DUOX2: variants seen among roughly 807,000 people sequenced by gnomAD.
The protein encoded by DUOX2 is NADH/NADPH thyroid oxidase p138-tox.
A neutral mutation model predicts 183.3 loss-of-function variants in DUOX2; 185 were observed. The ratio of observed to expected loss-of-function variants is 1.01; its 90% CI spans 0.90 to 1.14. The LOEUF (loss-of-function observed/expected upper bound fraction) is 1.14. Ranked by LOEUF, DUOX2 falls within the 50% of genes most tolerant of loss-of-function variation. The pLI is 0.00. For synonymous variants in DUOX2, 788 were observed against 812.4 expected, an observed-to-expected ratio of 0.97 and a Z score of 0.51; for missense variants, 1,999 against 2,022.9, an observed-to-expected ratio of 0.99 and a Z score of 0.23.
intron 22 of DUOX2, 149 bp from the exon 23 acceptor site, chr15:45,100,987 G>A (rs1814953526): frequency 2.9e-6 from 2 of 693,000 alleles, no homozygotes; most frequent in Non-Finnish European, 5.1e-6. Context: ...CTCATGATTT[G>A]TTTTGTAGAA....
In DUOX2 at chr15:45,104,120, G is replaced by T; in HGVS notation, c.2560+20C>A. The T allele has an allele frequency of 1.9e-6, 3 of 1,614,130 alleles. No homozygotes were observed. The Middle Eastern group carries it at 4.9e-4, about 266-fold the overall frequency. ...AGACCCCTGGATTCTTGGATAGCCT[G>T]CCACCTCCCAGCCCCCTACCTTTCA... is the stretch of plus-strand genomic sequence containing the variant. On this transcript the variant is annotated intron_variant, in intron 19 of 33. Transcript: ENST00000389039.
At chr15:45,097,156 C>T in intron 29 of DUOX2, 82 bp downstream of exon 29, 1 of 1,596,152 alleles carries the variant, frequency 6.3e-7, no homozygotes, top group South Asian at 1.1e-5. Flanking sequence ...GTGATGGGGT[C>T]AGGAGACCTG....
intron 21 of DUOX2, 34 bp downstream of exon 21, chr15:45,101,759 C>T (rs759244110): frequency 2.1e-5 from 34 of 1,613,978 alleles, no homozygotes; most frequent in Admixed American, 1.0e-4. Flanking sequence ...ACACGCCCCC[C>T]CTCCCTGACG....
In DUOX2 at chr15:45,109,663, C is replaced by G. The variant is rs755970353; in HGVS notation, c.1132-37G>C. 5.0e-6 allele frequency: 8 copies of G among 1,605,090 alleles called. No individual in the cohort carries two copies. The African/African-American group carries it at 8.0e-5, about 16-fold the overall frequency. On this transcript the variant is annotated intron_variant, in intron 10 of 33. Transcript: ENST00000389039. Reference sequence around the variant, plus strand: ...CAATGCACTCAAGATAGGCCTCTACCCAAAACTCGGTCTCTCTCAGCCTGG... The same window carrying G: ...CAATGCACTCAAGATAGGCCTCTACGCAAAACTCGGTCTCTCTCAGCCTGG...
chr15:45,095,032 G>C lies in DUOX2; in HGVS notation c.4299C>G (p.Ile1433Met). 6.2e-7 allele frequency: 1 copy of C among 1,614,160 alleles called. No homozygotes were observed. Among genetic ancestry groups the C allele is most frequent in the Non-Finnish European group, 8.5e-7 (1 of 1,180,012 alleles). Residue 1433 changes from isoleucine to methionine, a missense_variant, in exon 32 of 34, where the codon ATC becomes ATG. Coordinates refer to ENST00000389039, the MANE Select transcript of DUOX2 (RefSeq NM_001363711.2). ...QRQFEWLADIIQEVEENDHQD... is the reference protein window; with the variant it reads ...QRQFEWLADIMQEVEENDHQD... ...GGTGGTCGTTCTCCTCCACCTCTTGGATGATGTCAGCCAGCCACTCAAACT... is the reference window on the plus strand; with the variant it reads ...GGTGGTCGTTCTCCTCCACCTCTTGCATGATGTCAGCCAGCCACTCAAACT...
At position 45,110,506 on chromosome 15, in the gene DUOX2, T is replaced by A. The variant is rs943173721; in HGVS notation, c.962A>T (p.Asp321Val). ...CACAAATTCCGGGGAGATGCTGGGGTCTAGGAAAGGACGGTATCCTGCAGG... is the reference window on the plus strand; with the variant it reads ...CACAAATTCCGGGGAGATGCTGGGGACTAGGAAAGGACGGTATCCTGCAGG... ...PEYTGYRPFLDPSISPEFVVA... is the reference protein window; with the variant it reads ...PEYTGYRPFLVPSISPEFVVA... The change falls in exon 9 of 34, where the codon GAC becomes GTC. Residue 321 changes from aspartate (D) to valine (V), a missense_variant. Transcript: ENST00000389039. 1.9e-6 allele frequency: 3 copies of A among 1,613,758 alleles called. No individual in the cohort carries two copies. The highest frequency in any genetic ancestry group is 2.5e-6 in the Non-Finnish European group (3 of 1,179,946).
At position 45,105,664 on chromosome 15, in the gene DUOX2, G is replaced by C. The variant is rs1306818709; in HGVS notation, c.2313C>G (p.Phe771Leu). 2 of 1,614,228 alleles carry C rather than the reference G, an allele frequency of 1.2e-6. No homozygotes were observed. Among genetic ancestry groups the C allele is most frequent in the South Asian group, 2.2e-5 (2 of 91,084 alleles). The change falls in exon 18 of 34, where the codon TTC (phenylalanine) becomes TTG (leucine). Residue 771 changes from phenylalanine (F) to leucine (L), a missense_variant. This residue lies in a region of DUOX2 where 1,628 missense variants were observed against 1,608.6 expected (regional missense o/e 1.01). Coordinates refer to ENST00000389039, the MANE Select transcript of DUOX2 (RefSeq NM_001363711.2). Reference protein sequence around the residue: ...KQQRERILEIFFRHLFAQVLD... With the variant: ...KQQRERILEILFRHLFAQVLD... ...GCACCTGAGCAAAAAGGTGTCTGAA[G>C]AAGATCTCCAGGATGCGTTCCCGCT...
In DUOX2 at chr15:45,111,757, C is replaced by T; in HGVS notation, c.513+11G>A. 1 of 1,574,020 alleles carries T rather than the reference C, an allele frequency of 6.4e-7. No homozygotes were observed. The highest frequency in any genetic ancestry group is 8.6e-7 in the Non-Finnish European group (1 of 1,160,340). On this transcript the variant is annotated intron_variant, in intron 5 of 33. Transcript: ENST00000389039. ...GGGTGCGGTCCCTTCCCGCCGCCTTCCCCGCCTCACCAGGTCCCGGGGGTT... is the reference window on the plus strand; with the variant it reads ...GGGTGCGGTCCCTTCCCGCCGCCTTTCCCGCCTCACCAGGTCCCGGGGGTT...
At chr15:45,099,574 A>C in intron 25 of DUOX2, 88 bp downstream of exon 25, 1 of 1,577,386 alleles carries the variant, frequency 6.3e-7, no homozygotes, top group South Asian at 1.1e-5. Flanking sequence ...GGAGAGATGG[A>C]GGTATAAGGA....
In DUOX2 at chr15:45,094,261, G is replaced by C. The variant is rs371167766; in HGVS notation, c.4536C>G (p.Ile1512Met). 6.2e-7 allele frequency: 1 copy of C among 1,614,120 alleles called. No individual in the cohort carries two copies. Residue 1512 changes from isoleucine to methionine, a missense_variant, in exon 34 of 34, where the codon ATC becomes ATG. Physicochemically the swap from Ile to Met is conservative, Grantham distance 10 (BLOSUM62 1). Around this residue, in one of 3 missense-constraint regions of DUOX2, gnomAD observed 1,628 missense variants for 1,608.6 expected, o/e 1.01. Transcript: ENST00000389039. The part of the protein sequence containing the change: ...LQEVHPQVRK[I>M]GVFSCGPPGM... ...CTGGAGGGCCGCAGCTGAACACCCC[G>C]ATCTTGCGCACCTGTCAGGAGATTG...
chr15:45,100,996 A>G, intron 22 of DUOX2, 158 bp from the exon 23 acceptor site: 1 of 690,334 alleles, frequency 1.4e-6, no homozygotes, highest in Non-Finnish European at 2.6e-6. Context: ...TGTTTTGTAG[A>G]ATGATTCTGG....
rs771198569 is a variant in DUOX2, at chr15:45,095,505, G to C, written c.4171C>G (p.Pro1391Ala). Residue 1391 changes from proline (P) to alanine (A), a missense_variant, in exon 31 of 34, where the codon CCC becomes GCC. Around this residue, in one of 3 missense-constraint regions of DUOX2, gnomAD observed 1,628 missense variants for 1,608.6 expected, o/e 1.01. Coordinates refer to ENST00000389039, the MANE Select transcript of DUOX2 (RefSeq NM_001363711.2). ...AGGTCTTTGAGGATGGAGGCAAAGG[G>C]GGTGACCCCAATGCCCCCTCCCACC... ...VLVGGGIGVT[P>A]FASILKDLVF... 38 of 1,614,180 alleles carry C rather than the reference G, an allele frequency of 2.4e-5. No individual in the cohort carries two copies. The East Asian group carries it at 8.2e-4, about 35-fold the overall frequency.
rs1489696941 is a variant in DUOX2, at chr15:45,094,557, A to G, written c.4524+6T>C. ...GAGTCCCAGGGTGGGAGGGAGTGGG[A>G]CTGACCTGTGGGTGGACCTCCTGCA... is the stretch of plus-strand genomic sequence containing the variant. On this transcript the variant is annotated splice_donor_region_variant and intron_variant, in intron 33 of 33. Coordinates refer to ENST00000389039, the MANE Select transcript of DUOX2 (RefSeq NM_001363711.2). 6.2e-7 allele frequency: 1 copy of G among 1,612,372 alleles called. No homozygotes were observed. Among genetic ancestry groups the G allele is most frequent in the Non-Finnish European group, 8.5e-7 (1 of 1,179,334 alleles).
intron 12 of DUOX2, 57 bp from the exon 13 acceptor site, chr15:45,108,279 TG>T: frequency 4.4e-6 from 7 of 1,588,818 alleles, no homozygotes; most frequent in Non-Finnish European, 6.0e-6. Context: ...GGGCAGCCAC[TG>T]TTGCCCCATC....
At position 45,099,783 on chromosome 15, in the gene DUOX2, C is replaced by A; in HGVS notation, c.3294G>T (p.Leu1098Phe). 6.2e-6 allele frequency: 10 copies of A among 1,614,172 alleles called. No homozygotes were observed. The highest frequency in any genetic ancestry group is 1.3e-5 in the African/African-American group (1 of 75,038). The part of the protein sequence containing the change: ...ASVSFMFSYI[L>F]LTMCRNLITF... The stretch of plus-strand genomic sequence containing the variant: ...TTATGAGGTTGCGGCACATGGTGAG[C>A]AAGATATAAGAGAACATGAAGGAGA... Residue 1098 changes from leucine to phenylalanine, a missense_variant, in exon 25 of 34, where the codon TTG becomes TTT. By Grantham distance (22) the Leu-to-Phe change is conservative. Around this residue, in one of 3 missense-constraint regions of DUOX2, gnomAD observed 1,628 missense variants for 1,608.6 expected, o/e 1.01. Coordinates refer to ENST00000389039, the MANE Select transcript of DUOX2 (RefSeq NM_001363711.2).
At chr15:45,106,018 C>G in intron 17 of DUOX2, 107 bp downstream of exon 17, 1 of 1,439,050 alleles carries the variant, frequency 6.9e-7, no homozygotes, top group African/African-American at 1.4e-5. Flanking sequence ...CTCTCCCCAG[C>G]ATCAGCTGTC....
At chr15:45,094,779 G>A (rs1271067301) in intron 32 of DUOX2, 88 bp from the exon 33 acceptor site, 3 of 1,597,996 alleles carry the variant, frequency 1.9e-6, no homozygotes, top group Non-Finnish European at 2.6e-6. Flanking sequence ...GACAGAGAAT[G>A]GGGAGGGGAG....
At chr15:45,095,716 C>T in intron 30 of DUOX2, 112 bp downstream of exon 30, 2 of 1,546,240 alleles carry the variant, frequency 1.3e-6, no homozygotes, top group Non-Finnish European at 8.8e-7. Context: ...CACCCCGGTC[C>T]TCTCCCAGGC....
In DUOX2 at chr15:45,095,904, G is replaced by A. The variant is rs1191857001; in HGVS notation, c.4004C>T (p.Ala1335Val). The change falls in exon 30 of 34, where the codon GCA becomes GTA. Residue 1335 changes from alanine (A) to valine (V), a missense_variant. By Grantham distance (64) the Ala-to-Val change is moderately conservative (BLOSUM62 0). Around this residue, in one of 3 missense-constraint regions of DUOX2, gnomAD observed 1,628 missense variants for 1,608.6 expected, o/e 1.01. Transcript: ENST00000389039. The part of the protein sequence containing the change: ...HEDTLSLHIR[A>V]VGPWTTRLRE... ...GAGGCGAGTGGTCCAGGGCCCCACT[G>A]CCCGGATGTGCAGGCTGAGTGTGTC... is the stretch of plus-strand genomic sequence containing the variant. 1.2e-6 allele frequency: 2 copies of A among 1,613,890 alleles called. No individual in the cohort carries two copies. The highest frequency in any genetic ancestry group is 2.7e-5 in the African/African-American group (2 of 74,830).
Sources: allele counts gnomAD v4.1 joint callset, GRCh38; gene constraint gnomAD v4.1.1; regional missense constraint gnomAD v4.1.1; transcripts MANE v1.5; gene names NCBI Gene and HGNC (gene_info 2026-07-23, HGNC 2026-07-21).